FRYL: variants seen among roughly 807,000 people sequenced by gnomAD.
FRYL encodes protein furry homolog-like.
In FRYL, 150 loss-of-function variants were observed where a neutral mutation model predicts 351.2. The ratio of observed to expected loss-of-function variants is 0.43; its 90% CI spans 0.37 to 0.49. The LOEUF (loss-of-function observed/expected upper bound fraction) is 0.49. FRYL is among the 20% of genes least tolerant of loss of function. FRYL has a pLI of 0.00. For synonymous variants in FRYL, 1,153 were observed against 1,257.1 expected, an observed-to-expected ratio of 0.92 and a Z score of 1.75; for missense variants, 3,036 against 3,619.3, an observed-to-expected ratio of 0.84 and a Z score of 4.13.
chr4:48,507,316 T>C (rs1391393711), intron 59 of FRYL, among the ~76,000 whole-genome samples: 1 of 152,092 alleles, frequency 6.6e-6, no homozygotes, highest in Non-Finnish European at 1.5e-5. Context: ...CAAGACATGG[T>C]AGTTTGTGCT....
intron 33 of FRYL, among the ~76,000 whole-genome samples, chr4:48,560,453 G>C (rs572063306): frequency 3.3e-4 from 50 of 152,140 alleles, no homozygotes; most frequent in Non-Finnish European, 6.8e-4. Context: ...CAAGGTGGTG[G>C]GGGTGTGGGC....
In FRYL at chr4:48,590,893, A is replaced by G. The variant is rs1324398132; in HGVS notation, c.1336-63T>C. The G allele has an allele frequency of 2.3e-6, 3 of 1,294,544 alleles. No homozygotes were observed. The East Asian group carries it at 7.2e-5, about 31-fold the overall frequency. The allele number at this position is 1,294,544 out of a possible 1,614,324, so 80.2% of individuals were successfully genotyped here. A position where few individuals can be genotyped will look rare whatever the true frequency, so the allele number is the denominator to read the frequency against. On this transcript the variant is annotated intron_variant, in intron 16 of 63. Coordinates refer to ENST00000358350, the MANE Select transcript of FRYL (RefSeq NM_015030.2). ...TCATAAATTACCTTTTTTGCATGTT[A>G]GAAATATTTCATCAGTAACATCAGA...
Position 48,603,329 on chromosome 4 carries a change from CT to C in FRYL, c.893del (p.Gln298ArgfsTer6). On this transcript the variant is annotated frameshift_variant, in exon 12 of 64. Coordinates refer to ENST00000358350, the MANE Select transcript of FRYL (RefSeq NM_015030.2). LOFTEE classifies it high-confidence loss of function. ...TTCTCGAGCTCAGTTCAAAAGTAGT[CT>C]GATAAAGCATCTCCACAAAATTTTT... ...CLKNFVEMLY[Q>X]TTFELSSRKK... 1 of 1,612,588 alleles carries C rather than the reference CT, an allele frequency of 6.2e-7. No individual in the cohort carries two copies. The highest frequency in any genetic ancestry group is 1.7e-5 in the Admixed American group (1 of 59,794).
At chr4:48,749,889 T>C (rs1000221612) in intron 1 of FRYL, among the ~76,000 whole-genome samples, 3 of 151,946 alleles carry the variant, frequency 2.0e-5, no homozygotes, top group African/African-American at 7.3e-5. Context: ...CCCCAGTACT[T>C]TGGGAGGTCA....
At chr4:48,545,732 C>A (rs1304356773) in intron 42 of FRYL, among the ~76,000 whole-genome samples, 1 of 152,144 alleles carries the variant, frequency 6.6e-6, no homozygotes, top group Non-Finnish European at 1.5e-5. Flanking sequence ...CCTATATTCC[C>A]TCTCTACTTA....
chr4:48,596,284 A>G (rs975346989), intron 13 of FRYL, among the ~76,000 whole-genome samples: 58 of 152,148 alleles, frequency 3.8e-4, no homozygotes, highest in Non-Finnish European at 3.2e-4. Context: ...CTAAAATTAT[A>G]CAAACAAACT....
intron 1 of FRYL, among the ~76,000 whole-genome samples, chr4:48,748,562 C>G (rs1296129284): frequency 6.6e-6 from 1 of 152,166 alleles, no homozygotes; most frequent in Admixed American, 6.5e-5. Context: ...CACATGTTAA[C>G]TACATCAGTT....
chr4:48,696,179 A>G (rs1304761672), intron 2 of FRYL, among the ~76,000 whole-genome samples: 1 of 152,220 alleles, frequency 6.6e-6, no homozygotes, highest in Non-Finnish European at 1.5e-5. Flanking sequence ...ATTACTGGGT[A>G]TGTACCCTAA....
At chr4:48,582,804 A>C in intron 19 of FRYL, 70 bp from the exon 20 acceptor site, 1 of 981,514 alleles carries the variant, frequency 1.0e-6, no homozygotes, top group Non-Finnish European at 1.6e-6. Flanking sequence ...GAAACTTAAA[A>C]CTATGACCTT....
At chr4:48,757,072 C>A (rs1344866462) in intron 1 of FRYL, among the ~76,000 whole-genome samples, 1 of 152,122 alleles carries the variant, frequency 6.6e-6, no homozygotes, top group African/African-American at 2.4e-5. Flanking sequence ...GACAAGGCAG[C>A]TCTGTGCATA....
Position 48,544,827 on chromosome 4 carries a change from G to A in FRYL, c.5357C>T (p.Thr1786Ile). Residue 1786 changes from threonine (T) to isoleucine (I), a missense_variant, in exon 43 of 64, where the codon ACA becomes ATA. Physicochemically the swap from Thr to Ile is moderately conservative, Grantham distance 89. Transcript: ENST00000358350. ...PSIKSAEQLT[T>I]FLKHVVSVFK... ...AACAGAAACCACATGTTTCAAAAAT[G>A]TAGTTAACTGTTCAGCACTCTTTAT... is the stretch of plus-strand genomic sequence containing the variant. The A allele has an allele frequency of 6.2e-7, 1 of 1,607,744 alleles. No homozygotes were observed. Among genetic ancestry groups the A allele is most frequent in the Non-Finnish European group, 8.5e-7 (1 of 1,177,590 alleles).
At chr4:48,535,577 A>C in intron 48 of FRYL, 80 bp downstream of exon 48, 1 of 706,986 alleles carries the variant, frequency 1.4e-6, no homozygotes, top group Non-Finnish European at 2.0e-6. Flanking sequence ...ATGTGTATAT[A>C]TATACACATA....
At chr4:48,764,813 A>T (rs1427113135) in intron 1 of FRYL, among the ~76,000 whole-genome samples, 6 of 152,206 alleles carry the variant, frequency 3.9e-5, no homozygotes, top group Non-Finnish European at 8.8e-5. Context: ...CCCTATCAAA[A>T]TTCCAACGGC....
At chr4:48,646,152 T>C (rs528602742) in intron 3 of FRYL, 48 of 152,356 alleles carry the variant, frequency 3.2e-4, no homozygotes, top group African/African-American at 1.1e-3. Flanking sequence ...TGATAATGGA[T>C]ATTAATAATT....
At chr4:48,525,244 C>CA (rs202021232) in intron 53 of FRYL, among the ~76,000 whole-genome samples, 2 of 148,822 alleles carry the variant, frequency 1.3e-5, no homozygotes, top group Non-Finnish European at 3.0e-5. Context: ...GGATTAGTGT[C>CA]AAAAAAAAGT....
intron 3 of FRYL, among the ~76,000 whole-genome samples, chr4:48,681,505 T>C (rs1348818085): frequency 6.6e-6 from 1 of 152,212 alleles, no homozygotes. Flanking sequence ...GAGGTGTGTC[T>C]TCCTTTTAAA....
At chr4:48,751,524 A>C (rs1414874698) in intron 1 of FRYL, among the ~76,000 whole-genome samples, 4 of 152,356 alleles carry the variant, frequency 2.6e-5, no homozygotes, top group Admixed American at 2.0e-4. Context: ...ATGGAAACCA[A>C]TGAAGTCTGA....
intron 1 of FRYL, among the ~76,000 whole-genome samples, chr4:48,757,645 C>T (rs1469262293): frequency 5.3e-5 from 8 of 152,090 alleles, no homozygotes; most frequent in Non-Finnish European, 1.2e-4. Flanking sequence ...GAATCAATAT[C>T]GTGAAAATGG....
At chr4:48,662,889 A>G (rs1383860912) in intron 3 of FRYL, among the ~76,000 whole-genome samples, 1 of 152,150 alleles carries the variant, frequency 6.6e-6, no homozygotes, top group East Asian at 1.9e-4. Context: ...TCTTTCAAAT[A>G]TAATAGGAAA....
Sources: gnomAD v4.1 joint callset for allele counts (sites outside exome capture counted in the v4.1 genomes callset) on GRCh38, gnomAD v4.1.1 for gene constraint, MANE v1.5 for transcripts, NCBI Gene and HGNC (gene_info 2026-07-23, HGNC 2026-07-21) for gene names.